OTOP1: variants seen among roughly 807,000 people sequenced by gnomAD.
OTOP1 encodes the protein proton channel OTOP1.
OTOP1 carries 59 observed loss-of-function variants against 52.9 expected under a neutral mutation model. The ratio of observed to expected loss-of-function variants is 1.12; its 90% confidence interval spans 0.91 to 1.39. The LOEUF is 1.39. Among genes scored for constraint, OTOP1 ranks in the 40% most tolerant of loss-of-function variants. OTOP1 has a pLI of 0.00. For missense variants in OTOP1, 761 were observed against 800.9 expected, an observed-to-expected ratio of 0.95 and a Z score of 0.60; for synonymous variants, 317 against 337.7, an observed-to-expected ratio of 0.94 and a Z score of 0.67.
chr4:4,195,371 T>C (rs1279368619), intron 5 of OTOP1, among the ~76,000 whole-genome samples: 1 of 152,216 alleles, frequency 6.6e-6, no homozygotes, highest in East Asian at 1.9e-4. Flanking sequence ...GGTGAGTGAC[T>C]GTACACCTTC....
At chr4:4,215,145 T>C (rs1433696750) in intron 1 of OTOP1, among the ~76,000 whole-genome samples, 4 of 152,114 alleles carry the variant, frequency 2.6e-5, no homozygotes, top group East Asian at 1.9e-4. Flanking sequence ...TGAATTCTAC[T>C]GTTGAGCTGC....
At chr4:4,207,689 C>T (rs1446319036) in intron 2 of OTOP1, among the ~76,000 whole-genome samples, 2 of 151,904 alleles carry the variant, frequency 1.3e-5, no homozygotes, top group African/African-American at 2.4e-5. Context: ...TCACAATAGC[C>T]AAGAGGTAGA....
intron 3 of OTOP1, among the ~76,000 whole-genome samples, chr4:4,203,012 G>A (rs1716823924): frequency 6.6e-6 from 1 of 152,216 alleles, no homozygotes; most frequent in Non-Finnish European, 1.5e-5. Context: ...CCTTACTGCT[G>A]ATTGGCCAAC....
At chr4:4,217,347 A>T (rs1382257091) in intron 1 of OTOP1, among the ~76,000 whole-genome samples, 1 of 152,242 alleles carries the variant, frequency 6.6e-6, no homozygotes, top group East Asian at 1.9e-4. Flanking sequence ...AGCTGGCAAC[A>T]GACTTTTTCT....
At chr4:4,218,404 A>AC (rs1408768390) in intron 1 of OTOP1, among the ~76,000 whole-genome samples, 2 of 151,428 alleles carry the variant, frequency 1.3e-5, no homozygotes, top group Non-Finnish European at 2.9e-5. Context: ...AAAAAAAAAA[A>AC]ACCTAAGTTG....
chr4:4,202,314 G>T, intron 4 of OTOP1, 134 bp downstream of exon 4: 1 of 1,234,858 alleles, frequency 8.1e-7, no homozygotes, highest in Non-Finnish European at 1.2e-6. Context: ...ACAGCGGGCT[G>T]TCTGGCTGAT....
rs748603143 is a variant in OTOP1 at position 4,226,880 on chromosome 4, G to T, written c.-16C>A. On this transcript the variant is annotated 5_prime_UTR_variant, in exon 1 of 6. Coordinates refer to ENST00000296358, the MANE Select transcript of OTOP1 (RefSeq NM_177998.3). The stretch of plus-strand genomic sequence containing the variant: ...CCTCGAGCATCTTCGAGACACCCGC[G>T]CCAAGTCTGGTCCCGGGGGTGGCTG... 19 of 1,314,632 alleles carry T rather than the reference G, an allele frequency of 1.4e-5. No individual in the cohort carries two copies. Among genetic ancestry groups the T allele is most frequent in the Non-Finnish European group, 1.7e-5 (18 of 1,035,546 alleles). 81.4% of individuals were successfully genotyped at this position (1,314,632 alleles called of 1,614,324 possible).
intron 5 of OTOP1, among the ~76,000 whole-genome samples, chr4:4,192,602 C>A (rs1217932419): frequency 2.6e-5 from 4 of 152,180 alleles, no homozygotes; most frequent in Admixed American, 2.6e-4. Flanking sequence ...GTCCTTCCTT[C>A]CACACTGACC....
intron 3 of OTOP1, among the ~76,000 whole-genome samples, chr4:4,203,295 T>G (rs929129146): frequency 1.3e-5 from 2 of 152,260 alleles, no homozygotes; most frequent in Non-Finnish European, 2.9e-5. Flanking sequence ...GACAGCCAGC[T>G]TGGGCTACAG....
intron 5 of OTOP1, 40 bp downstream of exon 5, chr4:4,197,126 A>G (rs1716652982): frequency 6.5e-7 from 1 of 1,539,850 alleles, no homozygotes; most frequent in Non-Finnish European, 8.8e-7. Flanking sequence ...GAAAGTTTAA[A>G]GTAAAATTAA....
chr4:4,223,296 G>A (rs1251520680), intron 1 of OTOP1, among the ~76,000 whole-genome samples: 2 of 152,162 alleles, frequency 1.3e-5, no homozygotes, highest in Non-Finnish European at 2.9e-5. Flanking sequence ...CCCAATCTTG[G>A]GAAATGGTGC....
At chr4:4,192,888 A>T (rs968539984) in intron 5 of OTOP1, among the ~76,000 whole-genome samples, 1 of 152,090 alleles carries the variant, frequency 6.6e-6, no homozygotes, top group Admixed American at 6.6e-5. Flanking sequence ...GCTGGGGAGA[A>T]TGGGGAGTTC....
Position 4,197,168 on chromosome 4 carries a change from A to T in OTOP1, c.1666T>A (p.Ser556Thr). 6.3e-7 allele frequency: 1 copy of T among 1,598,282 alleles called. No individual in the cohort carries two copies. The highest frequency in any genetic ancestry group is 1.3e-5 in the African/African-American group (1 of 74,434). Residue 556 changes from serine to threonine, a missense_variant and splice_region_variant, in exon 5 of 6, where the codon TCG becomes ACG. Ser to Thr is a moderately conservative substitution (Grantham distance 58). Around this residue, in one of 3 missense-constraint regions of OTOP1, gnomAD observed 632 missense variants for 619.5 expected, o/e 1.02. Transcript: ENST00000296358. ...IAAFLFLCNI[S>T]LWIPPAFGCR... The stretch of plus-strand genomic sequence containing the variant: ...AAGAATAACTTGGTGCAGATTACCG[A>T]AATATTGCAGAGGAACAAGAAGGCT...
chr4:4,226,802 C>T lies in OTOP1; in HGVS notation c.63G>A (p.Gly21=), dbSNP rs1464815218. 2.3e-5 allele frequency: 31 copies of T among 1,366,208 alleles called. No homozygotes were observed. The highest frequency in any genetic ancestry group is 2.8e-5 in the Non-Finnish European group (30 of 1,064,948). The allele number at this position is 1,366,208 out of a possible 1,614,324, so 84.6% of individuals were successfully genotyped here. A position where few individuals can be genotyped will look rare whatever the true frequency, so the allele number is the denominator to read the frequency against. Residue 21 remains glycine (G), a synonymous_variant, in exon 1 of 6, where the codon GGG becomes GGA. Coordinates refer to ENST00000296358, the MANE Select transcript of OTOP1 (RefSeq NM_177998.3). ...PRAAASASVA[G]SSGPAACSPP... The stretch of plus-strand genomic sequence containing the variant: ...GCGAGCAGGCCGCTGGCCCCGACGA[C>T]CCTGCGACCGAGGCGCTTGCAGCTG...
chr4:4,202,375 A>C, intron 4 of OTOP1, 73 bp downstream of exon 4: 1 of 1,597,444 alleles, frequency 6.3e-7, no homozygotes. Context: ...CCATCTCTGA[A>C]CTCTGTGGAC....
At chr4:4,201,407 A>G (rs1438725078) in intron 4 of OTOP1, among the ~76,000 whole-genome samples, 1 of 152,018 alleles carries the variant, frequency 6.6e-6, no homozygotes, top group African/African-American at 2.4e-5. Context: ...AGCTTAGGCA[A>G]CAGAGTGAGA....
intron 1 of OTOP1, among the ~76,000 whole-genome samples, chr4:4,225,440 G>A (rs1486976186): frequency 1.3e-5 from 2 of 152,062 alleles, no homozygotes; most frequent in Non-Finnish European, 2.9e-5. Flanking sequence ...AAGGCCATGT[G>A]TGTCTATAGT....
In OTOP1 at chr4:4,188,908, A is replaced by T; in HGVS notation, c.1734T>A (p.Phe578Leu). ...EYDNGLEEIVFGFEPWIIVVN... is the reference protein window; with the variant it reads ...EYDNGLEEIVLGFEPWIIVVN... ...CCACAATTATCCAGGGTTCAAAGCC[A>T]AAGACAATCTCCTCCAATCCATTGT... The change falls in exon 6 of 6, where the codon TTT becomes TTA. Residue 578 changes from phenylalanine to leucine, a missense_variant. Phe to Leu is a conservative substitution (Grantham distance 22). Transcript: ENST00000296358. The T allele has an allele frequency of 6.2e-7, 1 of 1,613,948 alleles. No individual in the cohort carries two copies.
At chr4:4,225,350 C>T (rs1326270152) in intron 1 of OTOP1, among the ~76,000 whole-genome samples, 1 of 152,130 alleles carries the variant, frequency 6.6e-6, no homozygotes, top group African/African-American at 2.4e-5. Flanking sequence ...CAGGAGGATC[C>T]CTGGAGGCCA....
Sources: allele counts gnomAD v4.1 joint callset (sites outside exome capture counted in the v4.1 genomes callset), GRCh38; gene constraint gnomAD v4.1.1; regional missense constraint gnomAD v4.1.1; transcripts MANE v1.5; gene names NCBI Gene and HGNC (gene_info 2026-07-23, HGNC 2026-07-21).